COL4A6: variants seen among roughly 807,000 people sequenced by gnomAD.
COL4A6 encodes collagen alpha-6(IV) chain.
A neutral mutation model predicts 126.7 loss-of-function variants in COL4A6; 59 were observed. That is an observed-to-expected ratio of 0.47 (90% CI 0.38 to 0.58). The LOEUF (loss-of-function observed/expected upper bound fraction) is 0.58, where lower values mean the gene tolerates loss of function less well. Ranked by LOEUF, COL4A6 falls within the 20% of genes least tolerant of loss-of-function variation. The pLI is 0.00. For missense variants in COL4A6, 1,285 were observed against 1,337.3 expected (o/e 0.96, Z 0.61); for synonymous variants, 547 against 496.6 (o/e 1.10, Z -1.35).
chrX:108,394,463 A>C (rs1436835468), intron 2 of COL4A6, among the ~76,000 whole-genome samples: 1 of 111,860 alleles, frequency 8.9e-6, no homozygotes, highest in Non-Finnish European at 1.9e-5. Context: ...AGTAATGGCG[A>C]AAACTTCAAT....
intron 2 of COL4A6, among the ~76,000 whole-genome samples, chrX:108,351,198 T>C (rs985594885): frequency 7.2e-5 from 8 of 111,253 alleles, no homozygotes; most frequent in Non-Finnish European, 1.5e-4. Flanking sequence ...TTTTCATTAC[T>C]AAGGTGAAAT....
At position 108,180,904 on chromosome X, in the gene COL4A6, T is replaced by C; in HGVS notation, c.2016A>G (p.Gly672=). The C allele has an allele frequency of 2.5e-6, 3 of 1,210,162 alleles. No individual in the cohort carries two copies. Among genetic ancestry groups the C allele is most frequent in the Non-Finnish European group, 3.4e-6 (3 of 894,012 alleles). The part of the protein sequence containing the change: ...YGPSGFPGTP[G]FPGPKGSRGL... ...TCTGGCCTCATTCCATACCTGGGAA[T>C]CCGGGAGTGCCTGGAAATCCTGATG... Residue 672 remains glycine, a synonymous_variant, in exon 24 of 45, where the codon GGA becomes GGG. Transcript: ENST00000334504.
chrX:108,323,936 T>C (rs928151827), intron 2 of COL4A6, among the ~76,000 whole-genome samples: 1 of 112,298 alleles, frequency 8.9e-6, no homozygotes, highest in Non-Finnish European at 1.9e-5. Context: ...CTGTATGTCC[T>C]TCTACATCGT....
chrX:108,254,044 A>T (rs1448832419), intron 3 of COL4A6, among the ~76,000 whole-genome samples: 1 of 111,622 alleles, frequency 9.0e-6, no homozygotes, highest in African/African-American at 3.3e-5. Flanking sequence ...CTCACAAGGT[A>T]CAGTCAAGTG....
intron 2 of COL4A6, among the ~76,000 whole-genome samples, chrX:108,365,187 G>A (rs1233034820): frequency 9.9e-5 from 11 of 111,359 alleles, no homozygotes; most frequent in Non-Finnish European, 1.7e-4. Context: ...CACTCCCAAG[G>A]CAATACTATT....
chrX:108,243,509 G>C (rs1156394930), intron 3 of COL4A6, among the ~76,000 whole-genome samples: 1 of 111,589 alleles, frequency 9.0e-6, no homozygotes, highest in Admixed American at 9.5e-5. Context: ...ACCAGAACCT[G>C]ACCACACTGG....
chrX:108,291,452 A>ATTACT (rs1286949468), intron 3 of COL4A6, among the ~76,000 whole-genome samples: 2 of 112,261 alleles, frequency 1.8e-5, no homozygotes, highest in Admixed American at 9.5e-5. Context: ...TCCAAGAAAC[A>ATTACT]TTACTTTATG....
At chrX:108,418,497 GAAAA>G (rs749799325) in intron 2 of COL4A6, among the ~76,000 whole-genome samples, 1 of 109,225 alleles carries the variant, frequency 9.2e-6, no homozygotes, top group Non-Finnish European at 1.9e-5. Flanking sequence ...TTTTCCACGA[GAAAA>G]AAAAATCAAC....
At chrX:108,289,688 ACT>A (rs1173708924) in intron 3 of COL4A6, among the ~76,000 whole-genome samples, 68 of 110,530 alleles carry the variant, frequency 6.2e-4, no homozygotes, top group African/African-American at 2.2e-3. Context: ...AAGTTGTCCT[ACT>A]CTCTGCAATA....
At chrX:108,423,053 C>A (rs765098629) in intron 2 of COL4A6, among the ~76,000 whole-genome samples, 1 of 112,267 alleles carries the variant, frequency 8.9e-6, no homozygotes, top group East Asian at 2.8e-4. Flanking sequence ...CTTTAGTTTG[C>A]GATTTCTTTA....
At chrX:108,408,194 C>T (rs1287323685) in intron 2 of COL4A6, among the ~76,000 whole-genome samples, 1 of 110,842 alleles carries the variant, frequency 9.0e-6, no homozygotes, top group Non-Finnish European at 1.9e-5. Context: ...GGCCTATAGT[C>T]CCGGCTACTC....
chrX:108,176,932 T>G lies in COL4A6; in HGVS notation c.2595A>C (p.Lys865Asn), dbSNP rs755988204. The G allele has an allele frequency of 4.1e-6, 5 of 1,211,417 alleles. No individual in the cohort carries two copies. The highest frequency in any genetic ancestry group is 5.6e-6 in the Non-Finnish European group (5 of 895,036). ...SIVKKGLPGL[K>N]GLPGNPGLVG... ...CTAGGCCTGGATTTCCAGGAAGGCCTTTTAGCCCTGGCAGCCCTTTCTTTA... is the reference window on the plus strand; with the variant it reads ...CTAGGCCTGGATTTCCAGGAAGGCCGTTTAGCCCTGGCAGCCCTTTCTTTA... Residue 865 changes from lysine (K) to asparagine (N), a missense_variant, in exon 28 of 45, where the codon AAA becomes AAC. Physicochemically the swap from Lys to Asn is moderately conservative, Grantham distance 94. Transcript: ENST00000334504.
chrX:108,411,856 A>AT (rs1383001615), intron 2 of COL4A6, among the ~76,000 whole-genome samples: 1 of 110,358 alleles, frequency 9.1e-6, no homozygotes, highest in Non-Finnish European at 1.9e-5. Flanking sequence ...TTAGTTTCAT[A>AT]TTTTTTTCCT....
intron 14 of COL4A6, 46 bp downstream of exon 14, chrX:108,196,465 C>G: frequency 3.6e-6 from 4 of 1,104,564 alleles, no homozygotes; most frequent in Non-Finnish European, 5.0e-6. Flanking sequence ...AGAAAATGGA[C>G]TAGATGACTT....
chrX:108,285,880 C>G (rs2037992973), intron 3 of COL4A6, among the ~76,000 whole-genome samples: 2 of 111,577 alleles, frequency 1.8e-5, no homozygotes, highest in Non-Finnish European at 3.8e-5. Flanking sequence ...AAAAGAAATT[C>G]TGGGTAGGAG....
intron 25 of COL4A6, among the ~76,000 whole-genome samples, chrX:108,179,741 G>A (rs999719913): frequency 1.9e-5 from 2 of 107,761 alleles, no homozygotes; most frequent in Admixed American, 2.0e-4. Context: ...CCTGAGAAAA[G>A]TTCAACCTCT....
At chrX:108,217,735 C>T (rs1043357936) in intron 5 of COL4A6, among the ~76,000 whole-genome samples, 1 of 111,368 alleles carries the variant, frequency 9.0e-6, no homozygotes, top group African/African-American at 3.3e-5. Context: ...TGAGAGGCTT[C>T]AAGAGAGAGA....
At chrX:108,181,113 G>A (rs1350347990) in intron 23 of COL4A6, 145 bp from the exon 24 acceptor site, 1 of 481,474 alleles carries the variant, frequency 2.1e-6, no homozygotes, top group Non-Finnish European at 3.5e-6. Context: ...GAAAACCTTG[G>A]CATCATTAGC....
At chrX:108,227,022 C>A (rs1569366641) in intron 3 of COL4A6, among the ~76,000 whole-genome samples, 1 of 111,782 alleles carries the variant, frequency 8.9e-6, no homozygotes, top group Non-Finnish European at 1.9e-5. Context: ...TCCTGGCTAC[C>A]ACTTCTGTAT....
Sources: gnomAD v4.1 joint callset for allele counts (sites outside exome capture counted in the v4.1 genomes callset) on GRCh38, gnomAD v4.1.1 for gene constraint, MANE v1.5 for transcripts, NCBI Gene and HGNC (gene_info 2026-07-23, HGNC 2026-07-21) for gene names.